ALLC: variants seen among roughly 807,000 people sequenced by gnomAD.
The protein encoded by ALLC is allantoicase.
In ALLC, 40 loss-of-function variants were observed where a neutral mutation model predicts 45.0. The observed-to-expected ratio is 0.89, with a 90% CI of 0.69 to 1.16. The LOEUF (loss-of-function observed/expected upper bound fraction) is 1.16, where lower values mean the gene tolerates loss of function less well. Ranked by LOEUF, ALLC falls within the 50% of genes most tolerant of loss-of-function variation. The probability of loss-of-function intolerance (pLI) is 0.00; values close to 1 mark genes in which losing one functional copy is unlikely to be tolerated. For missense variants in ALLC, 488 were observed against 493.1 expected, an observed-to-expected ratio of 0.99 and a Z score of 0.10; for synonymous variants, 176 against 178.1, an observed-to-expected ratio of 0.99 and a Z score of 0.09.
intron 10 of ALLC, among the ~76,000 whole-genome samples, chr2:3,698,217 G>A (rs990941493): frequency 6.6e-6 from 1 of 151,610 alleles, no homozygotes. Context: ...CGCCCGTCTC[G>A]GCCTCCCAAA....
the ALLC span, among the ~76,000 whole-genome samples, chr2:3,652,025 T>C: frequency 1.3e-5 from 2 of 152,170 alleles, no homozygotes; most frequent in Non-Finnish European, 2.9e-5. Flanking sequence ...CGTTTCTTAG[T>C]TGCAAGCAGG....
intron 2 of ALLC, 51 bp downstream of exon 2, chr2:3,671,241 G>C (rs1666860589): frequency 6.3e-7 from 1 of 1,583,378 alleles, no homozygotes; most frequent in African/African-American, 1.3e-5. Flanking sequence ...CCGTGCTAAG[G>C]GCACAACTCA....
the ALLC span, among the ~76,000 whole-genome samples, chr2:3,651,422 TGTGTGTGTGTGTGTGTGTGTTA>T: frequency 4.8e-4 from 27 of 56,436 alleles, no homozygotes; most frequent in African/African-American, 1.4e-3. Context: ...TGTGTGTGTG[TGTGTGTGTGTGTGTGTGTGTTA>T]GGAAGGGAGA....
At chr2:3,683,482 A>C (rs898564163) in intron 7 of ALLC, among the ~76,000 whole-genome samples, 1 of 152,240 alleles carries the variant, frequency 6.6e-6, no homozygotes, top group South Asian at 2.1e-4. Context: ...AGACACGTGC[A>C]ACCATCACCA....
At chr2:3,681,974 C>T (rs1667191705) in intron 6 of ALLC, among the ~76,000 whole-genome samples, 1 of 152,160 alleles carries the variant, frequency 6.6e-6, no homozygotes, top group Non-Finnish European at 1.5e-5. Flanking sequence ...GATAAGCACA[C>T]ATACAGAAAC....
chr2:3,662,599 A>G (rs777287898), intron 1 of ALLC, among the ~76,000 whole-genome samples: 1 of 152,206 alleles, frequency 6.6e-6, no homozygotes, highest in Non-Finnish European at 1.5e-5. Flanking sequence ...TTTTTTATAT[A>G]TAATTTTTAT....
intron 4 of ALLC, among the ~76,000 whole-genome samples, chr2:3,679,034 T>G (rs908288313): frequency 3.9e-5 from 6 of 152,188 alleles, no homozygotes; most frequent in Admixed American, 3.3e-4. Flanking sequence ...CTTTTACGAT[T>G]TTATGCAATT....
chr2:3,650,562 G>A, the ALLC span, among the ~76,000 whole-genome samples: 1 of 145,386 alleles, frequency 6.9e-6, no homozygotes, highest in Non-Finnish European at 1.5e-5. Flanking sequence ...CGGTGAACAT[G>A]TGGGCCCTGG....
chr2:3,675,359 C>T (rs565052646), intron 3 of ALLC, among the ~76,000 whole-genome samples: 63 of 147,126 alleles, frequency 4.3e-4, no homozygotes, highest in South Asian at 6.6e-4. Flanking sequence ...CACTGCACTC[C>T]AGCCTGGGTG....
chr2:3,656,668 A>T (rs1300027805), upstream of ALLC, among the ~76,000 whole-genome samples: 1 of 152,264 alleles, frequency 6.6e-6, no homozygotes, highest in Non-Finnish European at 1.5e-5. Flanking sequence ...TGGAGCTTGG[A>T]GAAATCTCAA....
intron 6 of ALLC, 63 bp downstream of exon 6, chr2:3,681,776 C>T: frequency 7.6e-7 from 1 of 1,318,390 alleles, no homozygotes; most frequent in Non-Finnish European, 1.1e-6. Context: ...GGAAACTGCT[C>T]TGCACACCTG....
At chr2:3,695,359 G>A (rs1006539599) in intron 7 of ALLC, 11 of 251,940 alleles carry the variant, frequency 4.4e-5, no homozygotes, top group Admixed American at 3.0e-4. Flanking sequence ...TGTGATTAGA[G>A]CTCTGGAGTA....
chr2:3,694,387 C>A (rs1667602750), intron 7 of ALLC, among the ~76,000 whole-genome samples: 1 of 152,132 alleles, frequency 6.6e-6, no homozygotes, highest in Non-Finnish European at 1.5e-5. Context: ...GGAAACCTGG[C>A]TGATGTTACA....
At chr2:3,698,788 T>A (rs558290879) in intron 10 of ALLC, among the ~76,000 whole-genome samples, 12 of 152,078 alleles carry the variant, frequency 7.9e-5, no homozygotes, top group Non-Finnish European at 1.5e-4. Flanking sequence ...ATACTTTAAG[T>A]TTTAGGGTAC....
intron 1 of ALLC, among the ~76,000 whole-genome samples, chr2:3,665,140 G>A (rs1023432354): frequency 6.6e-6 from 1 of 152,184 alleles, no homozygotes; most frequent in Admixed American, 6.5e-5. Flanking sequence ...CAGCGAGACG[G>A]ATCCTGGAAA....
intron 10 of ALLC, 80 bp from the exon 11 acceptor site, chr2:3,701,432 T>G: frequency 1.4e-6 from 2 of 1,433,100 alleles, no homozygotes; most frequent in Non-Finnish European, 1.9e-6. Flanking sequence ...TTTTTGATCT[T>G]ATTAAAAAAG....
chr2:3,697,540 A>G (rs1276946485), intron 10 of ALLC, 84 bp downstream of exon 10: 5 of 1,125,936 alleles, frequency 4.4e-6, no homozygotes, highest in African/African-American at 1.5e-5. Flanking sequence ...GACTGAGGAC[A>G]CTGGACTTTC....
chr2:3,685,406 A>C (rs1383639493), intron 7 of ALLC, among the ~76,000 whole-genome samples: 1 of 150,808 alleles, frequency 6.6e-6, no homozygotes, highest in African/African-American at 2.4e-5. Context: ...GAAGCAAGGC[A>C]TGTCTTACAT....
chr2:3,673,918 T>C (rs1382604761), intron 2 of ALLC, among the ~76,000 whole-genome samples, 157 bp from the exon 3 acceptor site: 1 of 152,218 alleles, frequency 6.6e-6, no homozygotes, highest in African/African-American at 2.4e-5. Flanking sequence ...ATGGAAGCAT[T>C]TCAAGGCATC....
Sources: gnomAD v4.1 joint callset for allele counts (sites outside exome capture counted in the v4.1 genomes callset) on GRCh38, gnomAD v4.1.1 for gene constraint, MANE v1.5 for transcripts, NCBI Gene and HGNC (gene_info 2026-07-23, HGNC 2026-07-21) for gene names.